GRIN2A: variants seen among roughly 807,000 people sequenced by gnomAD.
The protein encoded by GRIN2A is glutamate ionotropic receptor NMDA type subunit 2A, also known as glutamate receptor ionotropic, NMDA 2A.
GRIN2A carries 22 observed loss-of-function variants against 113.4 expected under a neutral mutation model. The ratio of observed to expected loss-of-function variants is 0.19; its 90% confidence interval spans 0.14 to 0.28. GRIN2A has a LOEUF of 0.28. Ranked by LOEUF, GRIN2A falls within the 10% of genes least tolerant of loss-of-function variation. GRIN2A has a pLI of 1.00. For missense variants in GRIN2A, 1,502 were observed against 1,887.0 expected, an observed-to-expected ratio of 0.80 and a Z score of 3.78; for synonymous variants, 827 against 738.4, an observed-to-expected ratio of 1.12 and a Z score of -1.94.
intron 2 of GRIN2A, among the ~76,000 whole-genome samples, chr16:9,991,793 C>A (rs1464761841): frequency 1.3e-5 from 2 of 152,162 alleles, no homozygotes. Flanking sequence ...AGCAAACTAA[C>A]ATAGGAACAT....
In GRIN2A at chr16:9,769,109, C is replaced by G; in HGVS notation, c.2357-20G>C. On this transcript the variant is annotated intron_variant, in intron 11 of 12. Transcript: ENST00000330684. Reference sequence around the variant, plus strand: ...TCTCACCTGGACAGATCACAACATTCACAGGCAGTGAGGACCAGAACATGC... The same window carrying G: ...TCTCACCTGGACAGATCACAACATTGACAGGCAGTGAGGACCAGAACATGC... 6.3e-7 allele frequency: 1 copy of G among 1,584,926 alleles called. No homozygotes were observed. Among genetic ancestry groups the G allele is most frequent in the Non-Finnish European group, 8.7e-7 (1 of 1,153,384 alleles).
intron 2 of GRIN2A, among the ~76,000 whole-genome samples, chr16:10,059,125 C>T (rs554512628): frequency 2.0e-5 from 3 of 152,222 alleles, no homozygotes; most frequent in African/African-American, 7.2e-5. Context: ...CTGGAGTGAA[C>T]ATAGCAATAG....
intron 2 of GRIN2A, among the ~76,000 whole-genome samples, chr16:10,129,319 T>C (rs1401377947): frequency 6.6e-6 from 1 of 152,092 alleles, no homozygotes; most frequent in Non-Finnish European, 1.5e-5. Flanking sequence ...GATATAGAAA[T>C]GACTAATGTC....
At chr16:9,912,215 T>C (rs546926520) in intron 3 of GRIN2A, among the ~76,000 whole-genome samples, 2 of 152,098 alleles carry the variant, frequency 1.3e-5, no homozygotes, top group Non-Finnish European at 2.9e-5. Context: ...ATGGCAATGA[T>C]GATGATGGCA....
chr16:9,836,291 C>T (rs1264300396), intron 7 of GRIN2A, among the ~76,000 whole-genome samples: 1 of 152,126 alleles, frequency 6.6e-6, no homozygotes, highest in Non-Finnish European at 1.5e-5. Context: ...AGGATTAAAG[C>T]CAGAAATACT....
chr16:10,177,111 A>T (rs995627960), intron 2 of GRIN2A, among the ~76,000 whole-genome samples: 8 of 152,200 alleles, frequency 5.3e-5, no homozygotes, highest in Non-Finnish European at 1.0e-4. Context: ...TAAACAATGC[A>T]CCGTGACTGT....
intron 2 of GRIN2A, among the ~76,000 whole-genome samples, chr16:10,066,932 A>C (rs2047660023): frequency 6.6e-6 from 1 of 152,192 alleles, no homozygotes; most frequent in Non-Finnish European, 1.5e-5. Context: ...ACATACAATT[A>C]AATATTAGCC....
chr16:10,144,648 G>A (rs11074612), intron 2 of GRIN2A, among the ~76,000 whole-genome samples: 2,523 of 151,978 alleles, frequency 0.017, 72 homozygotes, highest in African/African-American at 0.058. Flanking sequence ...CCTTTGCTTC[G>A]CAGAAGTTTC....
At chr16:10,071,375 T>C (rs1483301359) in intron 2 of GRIN2A, among the ~76,000 whole-genome samples, 1 of 152,212 alleles carries the variant, frequency 6.6e-6, no homozygotes, top group Non-Finnish European at 1.5e-5. Context: ...ACAAAGAGTC[T>C]GTACTCTTAA....
rs117155627 is a variant in GRIN2A, at chr16:9,967,187, C to G, written c.415-28636G>C. ...TGCTTACAATTGCAAAGATATGGAACAAACCTAAGTGCCCATCAGCCAATG... is the reference window on the plus strand; with the variant it reads ...TGCTTACAATTGCAAAGATATGGAAGAAACCTAAGTGCCCATCAGCCAATG... On this transcript the variant is annotated intron_variant, in intron 2 of 12. Transcript: ENST00000330684. Among the ~76,000 whole-genome samples, 226 of 152,264 alleles carry G rather than the reference C, an allele frequency of 1.5e-3. 3 individuals carry two copies. The highest frequency in any genetic ancestry group is 0.012 in the Admixed American group (181 of 15,288).
At chr16:9,947,827 G>C (rs1596352900) in intron 2 of GRIN2A, among the ~76,000 whole-genome samples, 1 of 151,640 alleles carries the variant, frequency 6.6e-6, no homozygotes. Context: ...CTACCTTAAA[G>C]AGGTTGTTGT....
rs1264234364 is a variant in GRIN2A, at chr16:10,039,804, G to A, written c.415-101253C>T. 2.9e-4 allele frequency among the ~76,000 whole-genome samples: 16 copies of A among 56,124 alleles called. 1 individual carries two copies. Among genetic ancestry groups the A allele is most frequent in the African/African-American group, 5.9e-4 (6 of 10,220 alleles). 36.8% of individuals were successfully genotyped at this position (56,124 alleles called of 152,430 possible). ...GGGGAGGGGGAGGGGGAGGGGGAGG[G>A]GGGGGAGAAAGAGAGAGAGAGAGAG... On this transcript the variant is annotated intron_variant, in intron 2 of 12. Coordinates refer to ENST00000330684, the MANE Select transcript of GRIN2A (RefSeq NM_001134407.3).
At chr16:10,125,757 G>T (rs2048920928) in intron 2 of GRIN2A, among the ~76,000 whole-genome samples, 1 of 152,244 alleles carries the variant, frequency 6.6e-6, no homozygotes, top group East Asian at 1.9e-4. Flanking sequence ...AAAGTGGATG[G>T]AGGGTAGCTT....
chr16:9,770,606 G>A (rs988188637), intron 11 of GRIN2A, among the ~76,000 whole-genome samples: 19 of 152,096 alleles, frequency 1.2e-4, no homozygotes, highest in African/African-American at 4.3e-4. Context: ...TTGCTTTTGA[G>A]AATTTCACTT....
chr16:10,086,743 TA>T (rs1332988744), intron 2 of GRIN2A, among the ~76,000 whole-genome samples: 1 of 152,068 alleles, frequency 6.6e-6, no homozygotes, highest in Non-Finnish European at 1.5e-5. Context: ...ATGCTACCCC[TA>T]GGCTAATCCA....
chr16:10,092,861 C>CTTTT (rs33949885), intron 2 of GRIN2A, among the ~76,000 whole-genome samples: 3 of 142,518 alleles, frequency 2.1e-5, no homozygotes, highest in African/African-American at 7.8e-5. Context: ...TGAAAAGTTG[C>CTTTT]TTTTTTTTTT....
At chr16:9,936,659 T>A (rs2044720399) in intron 3 of GRIN2A, among the ~76,000 whole-genome samples, 1 of 152,150 alleles carries the variant, frequency 6.6e-6, no homozygotes, top group East Asian at 1.9e-4. Flanking sequence ...TTCGCCAAGA[T>A]GGGAGTAGCT....
At chr16:10,100,424 G>A (rs145925317) in intron 2 of GRIN2A, among the ~76,000 whole-genome samples, 78 of 152,300 alleles carry the variant, frequency 5.1e-4, no homozygotes, top group African/African-American at 1.8e-3. Context: ...GCTGCTGATG[G>A]AAATGGGGAG....
intron 11 of GRIN2A, among the ~76,000 whole-genome samples, chr16:9,784,057 A>G (rs1398603661): frequency 1.3e-5 from 2 of 152,180 alleles, no homozygotes; most frequent in Non-Finnish European, 2.9e-5. Context: ...TAATCTGTAC[A>G]ACAAACCCCC....
Sources: allele counts gnomAD v4.1 joint callset (sites outside exome capture counted in the v4.1 genomes callset), GRCh38; gene constraint gnomAD v4.1.1; transcripts MANE v1.5; gene names NCBI Gene and HGNC (gene_info 2026-07-23, HGNC 2026-07-21).